CCT6A: variants seen among roughly 807,000 people sequenced by gnomAD.
The protein encoded by CCT6A is T-complex protein 1 subunit zeta.
A neutral mutation model predicts 58.6 loss-of-function variants in CCT6A; 6 were observed. That is an observed-to-expected ratio of 0.10 (90% CI 0.06 to 0.20). CCT6A has a LOEUF of 0.20. Ranked by LOEUF, CCT6A falls within the 10% of genes least tolerant of loss-of-function variation. The pLI is 1.00. For synonymous variants in CCT6A, 245 were observed against 227.8 expected (o/e 1.08, Z -0.68); for missense variants, 516 against 648.8 (o/e 0.80, Z 2.22).
At chr7:56,062,001 A>ACTGATAGT in intron 12 of CCT6A, 152 bp downstream of exon 12, 1 of 492,520 alleles carries the variant, frequency 2.0e-6, no homozygotes. Context: ...GATATTAATA[A>ACTGATAGT]AAAATGGAAT....
chr7:56,059,927 C>T (rs1174949921), intron 9 of CCT6A: 3 of 404,572 alleles, frequency 7.4e-6, no homozygotes, highest in East Asian at 4.7e-5. Context: ...GTCTTAAACT[C>T]CCGGGCTCAG....
chr7:56,060,204 G>A (rs1794403231), intron 9 of CCT6A, 65 bp from the exon 10 acceptor site: 1 of 1,393,120 alleles, frequency 7.2e-7, no homozygotes. Context: ...TTCTCTGTAA[G>A]TCCCTCTTCT....
chr7:56,056,352 A>G lies in CCT6A; in HGVS notation c.552A>G (p.Glu184=), dbSNP rs747356260. The G allele has an allele frequency of 6.2e-7, 1 of 1,601,890 alleles. No individual in the cohort carries two copies. Among genetic ancestry groups the G allele is most frequent in the Admixed American group, 1.7e-5 (1 of 59,984 alleles). Reference sequence around the variant, plus strand: ...TTTTGGCCATTAAAAAGCAAGATGAACCTATTGATCTCTTCATGATTGAGA... The same window carrying G: ...TTTTGGCCATTAAAAAGCAAGATGAGCCTATTGATCTCTTCATGATTGAGA... ...DSILAIKKQD[E]PIDLFMIEIM... The change falls in exon 5 of 14, where the codon GAA becomes GAG. Residue 184 remains glutamate (E), a synonymous_variant. Transcript: ENST00000275603.
intron 6 of CCT6A, 43 bp downstream of exon 6, chr7:56,058,146 AT>A: frequency 8.5e-7 from 1 of 1,170,666 alleles, no homozygotes; most frequent in Non-Finnish European, 1.3e-6. Flanking sequence ...GAAGCTTCGT[AT>A]TTTAGGCGAG....
chr7:56,059,610 A>G lies in CCT6A; in HGVS notation c.1035A>G (p.Gly345=). 2 of 1,584,044 alleles carry G rather than the reference A, an allele frequency of 1.3e-6. No homozygotes were observed. The highest frequency in any genetic ancestry group is 1.1e-5 in the South Asian group (1 of 90,490). The change falls in exon 9 of 14, where the codon GGA becomes GGG. Residue 345 remains glycine (G), a synonymous_variant. Transcript: ENST00000275603. ...SFDDLSPDCL[G]HAGLVYEYTL... is the part of the protein sequence containing the mutation. Reference sequence around the variant, plus strand: ...ACGACCTAAGTCCTGACTGCTTGGGACATGCAGGACTTGTATATGAGTATA... The same window carrying G: ...ACGACCTAAGTCCTGACTGCTTGGGGCATGCAGGACTTGTATATGAGTATA...
chr7:56,053,754 T>G (rs1362012879), intron 2 of CCT6A, among the ~76,000 whole-genome samples: 1 of 152,012 alleles, frequency 6.6e-6, no homozygotes, highest in Non-Finnish European at 1.5e-5. Context: ...TGAGGGTATC[T>G]CCAAAACAAA....
intron 9 of CCT6A, 38 bp from the exon 10 acceptor site, chr7:56,060,231 A>G: frequency 6.3e-7 from 1 of 1,589,488 alleles, no homozygotes; most frequent in Non-Finnish European, 8.6e-7. Context: ...ACTCTGCACA[A>G]ATCCTGTTTT....
At chr7:56,056,282 A>G in intron 4 of CCT6A, 29 bp from the exon 5 acceptor site, 2 of 1,122,802 alleles carry the variant, frequency 1.8e-6, no homozygotes, top group Non-Finnish European at 2.7e-6. Context: ...AATTGAATTT[A>G]CTTAACGGTT....
rs530325528 is a variant in CCT6A at position 56,054,559 on chromosome 7, T to G, written c.336+56T>G. ...TTTTGTATATAGGAAGTGTCTGATA[T>G]TTATACAAATTGATGTGCTGTTAAT... On this transcript the variant is annotated intron_variant, in intron 3 of 13. Coordinates refer to ENST00000275603, the MANE Select transcript of CCT6A (RefSeq NM_001762.4). 9.8e-6 allele frequency: 15 copies of G among 1,526,194 alleles called. No individual in the cohort carries two copies. In the East Asian group the frequency reaches 1.1e-4, roughly 12 times the overall value. The allele number at this position is 1,526,194 out of a possible 1,614,324, so 94.5% of individuals were successfully genotyped here.
intron 1 of CCT6A, 121 bp from the exon 2 acceptor site, chr7:56,052,301 C>A: frequency 1.2e-6 from 1 of 855,620 alleles, no homozygotes; most frequent in Non-Finnish European, 2.0e-6. Context: ...CTCCATCCTG[C>A]TGGACATAAC....
At position 56,051,944 on chromosome 7, in the gene CCT6A, C is replaced by T. The variant is rs1426916568; in HGVS notation, c.96C>T (p.Asp32=). The T allele has an allele frequency of 6.5e-7, 1 of 1,547,326 alleles. No individual in the cohort carries two copies. Among genetic ancestry groups the T allele is most frequent in the East Asian group, 2.5e-5 (1 of 40,416 alleles). Reference sequence around the variant, plus strand: ...TCAGCGCAGCGCGGGGTCTGCAGGACGTGCTAAGGACCAACCTGGGGCCCA... The same window carrying T: ...TCAGCGCAGCGCGGGGTCTGCAGGATGTGCTAAGGACCAACCTGGGGCCCA... ...VNISAARGLQ[D]VLRTNLGPKG... is the part of the protein sequence containing the mutation. Residue 32 remains aspartate (D), a synonymous_variant, in exon 1 of 14, where the codon GAC becomes GAT. Transcript: ENST00000275603.
At chr7:56,061,464 C>T (rs892420380) in intron 11 of CCT6A, among the ~76,000 whole-genome samples, 8 of 149,170 alleles carry the variant, frequency 5.4e-5, no homozygotes, top group East Asian at 3.9e-4. Flanking sequence ...CAGCCTCAGC[C>T]TCTCGAGTAG....
chr7:56,055,174 T>C (rs1442838188), intron 3 of CCT6A, among the ~76,000 whole-genome samples: 9 of 152,182 alleles, frequency 5.9e-5, no homozygotes, highest in African/African-American at 2.2e-4. Context: ...CTTGGGAAGC[T>C]GAGGCAGGAG....
rs910223856 is a variant in CCT6A at position 56,061,014 on chromosome 7, T to G, written c.1347+74T>G. The G allele has an allele frequency of 3.4e-6, 5 of 1,479,960 alleles. No homozygotes were observed. In the African/African-American group the frequency reaches 7.1e-5, roughly 21 times the overall value. The allele number at this position is 1,479,960 out of a possible 1,614,324, so 91.7% of individuals were successfully genotyped here. ...ACCTTTCTGATAATGTAGGATTTATTCATAAAGTGGATTTTGGATAAGCAA... is the reference window on the plus strand; with the variant it reads ...ACCTTTCTGATAATGTAGGATTTATGCATAAAGTGGATTTTGGATAAGCAA... On this transcript the variant is annotated intron_variant, in intron 11 of 13. Coordinates refer to ENST00000275603, the MANE Select transcript of CCT6A (RefSeq NM_001762.4).
chr7:56,062,975 T>C, intron 13 of CCT6A, 38 bp from the exon 14 acceptor site: 1 of 1,490,546 alleles, frequency 6.7e-7, no homozygotes, highest in South Asian at 1.1e-5. Flanking sequence ...TTAGGGCTCC[T>C]AATCATCTGA....
chr7:56,055,631 A>C lies in CCT6A; in HGVS notation c.344A>C (p.His115Pro). The change falls in exon 4 of 14, where the codon CAT becomes CCT. Residue 115 changes from histidine (H) to proline (P), a missense_variant. By Grantham distance (77) the His-to-Pro change is moderately conservative. Transcript: ENST00000275603. ...AATGTGTGTTTATTTTAGGGCCTTC[A>C]TCCTAGAATAATCACTGAAGGATTT... ...QADLYISEGL[H>P]PRIITEGFEA... The C allele has an allele frequency of 6.2e-7, 1 of 1,613,500 alleles. No homozygotes were observed. Among genetic ancestry groups the C allele is most frequent in the Middle Eastern group, 1.7e-4 (1 of 6,054 alleles).
At chr7:56,058,593 T>G in intron 7 of CCT6A, 27 bp from the exon 8 acceptor site, 1 of 1,587,994 alleles carries the variant, frequency 6.3e-7, no homozygotes, top group East Asian at 2.2e-5. Flanking sequence ...TGAAAGATGT[T>G]GAAATTAATT....
In CCT6A at chr7:56,060,289, T is replaced by A; in HGVS notation, c.1086T>A (p.Phe362Leu). The change falls in exon 10 of 14, where the codon TTT becomes TTA. Residue 362 changes from phenylalanine (F) to leucine (L), a missense_variant. Around this residue, in one of 3 missense-constraint regions of CCT6A, gnomAD observed 315 missense variants for 389.4 expected, o/e 0.81. Transcript: ENST00000275603. The part of the protein sequence containing the change: ...EYTLGEEKFT[F>L]IEKCNNPRSV... ...CATAGGGAGAAGAGAAGTTTACCTTTATTGAGAAATGTAACAACCCTCGTT... is the reference window on the plus strand; with the variant it reads ...CATAGGGAGAAGAGAAGTTTACCTTAATTGAGAAATGTAACAACCCTCGTT... The A allele has an allele frequency of 6.2e-7, 1 of 1,613,986 alleles. No individual in the cohort carries two copies. Among genetic ancestry groups the A allele is most frequent in the Non-Finnish European group, 8.5e-7 (1 of 1,179,844 alleles).
intron 9 of CCT6A, 53 bp downstream of exon 9, chr7:56,059,693 T>G: frequency 1.1e-6 from 1 of 929,234 alleles, no homozygotes. Flanking sequence ...CGTGAATTAT[T>G]TTTGTTTGTT....
Sources: allele counts gnomAD v4.1 joint callset (sites outside exome capture counted in the v4.1 genomes callset), GRCh38; gene constraint gnomAD v4.1.1; regional missense constraint gnomAD v4.1.1; transcripts MANE v1.5; gene names NCBI Gene and HGNC (gene_info 2026-07-23, HGNC 2026-07-21).